The following KCNMB2 variants were observed in gnomAD, a reference collection of about 807,000 sequenced individuals.
KCNMB2 encodes potassium calcium-activated channel subfamily M regulatory beta subunit 2.
Under a neutral mutation model 24.5 loss-of-function variants are expected in KCNMB2, and 9 were observed. That is an observed-to-expected ratio of 0.37 (90% confidence interval 0.22 to 0.64). The LOEUF (loss-of-function observed/expected upper bound fraction) is 0.64, where lower values mean the gene tolerates loss of function less well. Among genes scored for constraint, KCNMB2 ranks in the 30% least tolerant of loss-of-function variants. The pLI is 0.63. For missense variants in KCNMB2, 226 were observed against 284.3 expected, an observed-to-expected ratio of 0.79 and a Z score of 1.47; for synonymous variants, 109 against 104.4, an observed-to-expected ratio of 1.04 and a Z score of -0.27.
chr3:178,760,312 A>ATATATATATATATCCAAGAGGATATATC, intron 1 of KCNMB2, among the ~76,000 whole-genome samples: 1 of 85,502 alleles, frequency 1.2e-5, no homozygotes, highest in Admixed American at 1.5e-4. Context: ...GGATATATCT[A>ATATATATATATATCCAAGAGGATATATC]TATATAGATA....
chr3:178,836,035 G>A (rs188766502), intron 4 of KCNMB2, among the ~76,000 whole-genome samples: 30 of 152,162 alleles, frequency 2.0e-4, no homozygotes, highest in Admixed American at 1.8e-3. Flanking sequence ...AAAGGCAAAT[G>A]AAGAACACAC....
chr3:178,838,130 T>C (rs6787441), intron 4 of KCNMB2, among the ~76,000 whole-genome samples: 98,226 of 151,996 alleles, frequency 0.65, 33,639 homozygotes, highest in African/African-American at 0.88. Flanking sequence ...CAAAAAACAT[T>C]TCTAAAAATG....
At chr3:178,702,364 T>C (rs1344680385) in intron 1 of KCNMB2, among the ~76,000 whole-genome samples, 1 of 151,524 alleles carries the variant, frequency 6.6e-6, no homozygotes, top group African/African-American at 2.4e-5. Flanking sequence ...CACACCAACA[T>C]GGCACATGTA....
rs563350279 is a variant in KCNMB2, at chr3:178,613,919, C to A, written c.-68+77208C>A. On this transcript the variant is annotated intron_variant, in intron 1 of 4. Coordinates refer to ENST00000452583, the MANE Select transcript of KCNMB2 (RefSeq NM_181361.3). ...CGTTTGAATAAGCTTTCCACCCCCT[C>A]TTTGAGGACAATAACTCTTAGATTT... Among the ~76,000 whole-genome samples, 6 of 151,996 alleles carry A rather than the reference C, an allele frequency of 3.9e-5. No individual in the cohort carries two copies. In the South Asian group the frequency reaches 6.3e-4, roughly 16 times the overall value.
intron 1 of KCNMB2, among the ~76,000 whole-genome samples, chr3:178,648,916 T>A (rs1720012023): frequency 6.6e-6 from 1 of 152,094 alleles, no homozygotes; most frequent in African/African-American, 2.4e-5. Flanking sequence ...GGATGTGGAG[T>A]GGTATTTCAT....
chr3:178,760,369 A>T (rs1050024200), intron 1 of KCNMB2, among the ~76,000 whole-genome samples: 2 of 97,938 alleles, frequency 2.0e-5, no homozygotes, highest in South Asian at 6.2e-4. Context: ...TCCATATCCA[A>T]GATATATATA....
chr3:178,781,901 T>A (rs1204558352), intron 1 of KCNMB2, among the ~76,000 whole-genome samples: 10 of 145,462 alleles, frequency 6.9e-5, no homozygotes, highest in Admixed American at 1.4e-4. Flanking sequence ...TAACTCGTCA[T>A]CTAGCATTAG....
chr3:178,568,866 A>AGAT (rs1553813627), intron 1 of KCNMB2, among the ~76,000 whole-genome samples: 2 of 127,352 alleles, frequency 1.6e-5, no homozygotes, highest in South Asian at 4.6e-4. Flanking sequence ...ATAGATAGAT[A>AGAT]GATAGATAGA....
At chr3:178,671,500 G>A (rs1191258228) in intron 1 of KCNMB2, among the ~76,000 whole-genome samples, 1 of 152,150 alleles carries the variant, frequency 6.6e-6, no homozygotes, top group Admixed American at 6.5e-5. Flanking sequence ...GAGCAGTCTA[G>A]ACTCATTATC....
intron 1 of KCNMB2, among the ~76,000 whole-genome samples, chr3:178,613,702 G>C (rs1328176173): frequency 6.6e-6 from 1 of 152,160 alleles, no homozygotes; most frequent in East Asian, 1.9e-4. Flanking sequence ...AGGTATTGGA[G>C]CTCCATTATA....
intron 2 of KCNMB2, among the ~76,000 whole-genome samples, chr3:178,812,643 C>A (rs1430809820): frequency 1.3e-5 from 2 of 152,014 alleles, no homozygotes; most frequent in Non-Finnish European, 2.9e-5. Flanking sequence ...GGAACTGATA[C>A]CCAATATCCA....
Position 178,564,173 on chromosome 3 carries a change from G to T in KCNMB2, c.-68+27462G>T, listed in dbSNP as rs538737583. On this transcript the variant is annotated intron_variant, in intron 1 of 4. Transcript: ENST00000452583. Reference sequence around the variant, plus strand: ...TGCACCTATCATCCCAGCTACTCAAGAGGCTGAGGCAGGAGAATCGCTTCA... The same window carrying T: ...TGCACCTATCATCCCAGCTACTCAATAGGCTGAGGCAGGAGAATCGCTTCA... 5.9e-5 allele frequency among the ~76,000 whole-genome samples: 9 copies of T among 152,176 alleles called. 1 individual carries two copies. The highest frequency in any genetic ancestry group is 2.2e-4 in the African/African-American group (9 of 41,526).
At chr3:178,539,860 A>C (rs1418550419) in intron 1 of KCNMB2, among the ~76,000 whole-genome samples, 1 of 152,024 alleles carries the variant, frequency 6.6e-6, no homozygotes, top group Non-Finnish European at 1.5e-5. Context: ...TAAATATTGG[A>C]GTGTTCCATG....
At chr3:178,674,667 C>T (rs963836285) in intron 1 of KCNMB2, among the ~76,000 whole-genome samples, 6 of 152,170 alleles carry the variant, frequency 3.9e-5, no homozygotes, top group African/African-American at 1.2e-4. Flanking sequence ...AAAGCAGTCT[C>T]GGTGAGCCTA....
At chr3:178,581,351 T>C (rs1207067416) in intron 1 of KCNMB2, among the ~76,000 whole-genome samples, 2 of 152,274 alleles carry the variant, frequency 1.3e-5, no homozygotes, top group East Asian at 3.9e-4. Flanking sequence ...CCTTACACGT[T>C]ATACAAAAAT....
intron 1 of KCNMB2, among the ~76,000 whole-genome samples, chr3:178,635,419 A>ACACACACG (rs1165409588): frequency 6.6e-6 from 1 of 151,382 alleles, no homozygotes; most frequent in Admixed American, 6.6e-5. Flanking sequence ...ACACACACAC[A>ACACACACG]CACACACACA....
At chr3:178,742,350 T>C (rs1480841963) in intron 1 of KCNMB2, among the ~76,000 whole-genome samples, 3 of 152,190 alleles carry the variant, frequency 2.0e-5, no homozygotes, top group Non-Finnish European at 4.4e-5. Flanking sequence ...GAGAAACCCC[T>C]CTGATCTGAG....
chr3:178,672,188 A>C (rs940209709), intron 1 of KCNMB2, among the ~76,000 whole-genome samples: 3 of 152,102 alleles, frequency 2.0e-5, no homozygotes, highest in Non-Finnish European at 4.4e-5. Flanking sequence ...AAAATTTATA[A>C]AGCATTTTCT....
chr3:178,778,193 A>G (rs775957540), intron 1 of KCNMB2, among the ~76,000 whole-genome samples: 6 of 152,302 alleles, frequency 3.9e-5, no homozygotes, highest in African/African-American at 7.2e-5. Flanking sequence ...CAGTTTCAAG[A>G]AGGTGAAAAA....
Sources: gnomAD v4.1 joint callset for allele counts (sites outside exome capture counted in the v4.1 genomes callset) on GRCh38, gnomAD v4.1.1 for gene constraint, MANE v1.5 for transcripts, NCBI Gene and HGNC (gene_info 2026-07-23, HGNC 2026-07-21) for gene names.